LSM5: variants seen among roughly 807,000 people sequenced by gnomAD.
The protein encoded by LSM5 is U6 snRNA-associated Sm-like protein LSm5.
LSM5 carries 8 observed loss-of-function variants against 13.8 expected under a neutral mutation model. The observed-to-expected ratio is 0.58, with a 90% CI of 0.34 to 1.04. The LOEUF (loss-of-function observed/expected upper bound fraction) is 1.04. Among genes scored for constraint, LSM5 ranks in the 50% least tolerant of loss-of-function variants. LSM5 has a pLI of 0.03. For synonymous variants in LSM5, 35 were observed against 37.0 expected (o/e 0.95, Z 0.20); for missense variants, 80 against 108.1 (o/e 0.74, Z 1.15).
upstream of LSM5, among the ~76,000 whole-genome samples, chr7:32,492,855 C>T (rs1786624013): frequency 1.8e-4 from 28 of 152,170 alleles, no homozygotes; most frequent in Admixed American, 1.8e-3. Flanking sequence ...CATGTAACTA[C>T]CAAAGGCTCT....
At chr7:32,493,571 A>C (rs992336087), upstream of LSM5, among the ~76,000 whole-genome samples, 1 of 151,586 alleles carries the variant, frequency 6.6e-6, no homozygotes, top group African/African-American at 2.4e-5. Context: ...ATGGAGTCTC[A>C]TTCTGTCATC....
chr7:32,494,609 A>T (rs1786691123), upstream of LSM5, among the ~76,000 whole-genome samples: 1 of 152,244 alleles, frequency 6.6e-6, no homozygotes, highest in Non-Finnish European at 1.5e-5. Flanking sequence ...GTCCTAGATA[A>T]GACTTGTTAA....
chr7:32,492,027 A>G (rs1363840199), upstream of LSM5, among the ~76,000 whole-genome samples: 1 of 152,196 alleles, frequency 6.6e-6, no homozygotes, highest in African/African-American at 2.4e-5. Context: ...TCTTCATAAG[A>G]TTTTAAATAC....
In LSM5 at chr7:32,487,723, A is replaced by G; in HGVS notation, c.205T>C (p.Leu69=). 6.6e-7 allele frequency: 1 copy of G among 1,513,786 alleles called. No homozygotes were observed. The highest frequency in any genetic ancestry group is 1.7e-4 in the Middle Eastern group (1 of 5,870). The allele number at this position is 1,513,786 out of a possible 1,614,324, so 93.8% of individuals were successfully genotyped here. ...ITPEGRRITK[L]DQILLNGNNI... ...TTTCCATTTAGCAAAATCTGATCTAATTTAGTAATCCTTCTTCCTTCTGGT... is the reference window on the plus strand; with the variant it reads ...TTTCCATTTAGCAAAATCTGATCTAGTTTAGTAATCCTTCTTCCTTCTGGT... Residue 69 remains leucine, a synonymous_variant, in exon 4 of 5, where the codon TTA becomes CTA. Transcript: ENST00000450169.
At chr7:32,488,127 C>G (rs3793245) in intron 3 of LSM5, 46,059 of 233,328 alleles carry the variant, frequency 0.2, 5,023 homozygotes, top group Admixed American at 0.33. Context: ...TCACTGCAGC[C>G]TAGAACTCCT....
At chr7:32,490,079 A>G in intron 1 of LSM5, 1 of 1,492,888 alleles carries the variant, frequency 6.7e-7, no homozygotes, top group Non-Finnish European at 9.0e-7. Context: ...CGCGTTCACT[A>G]AATGTGGACC....
upstream of LSM5, among the ~76,000 whole-genome samples, chr7:32,493,907 G>A (rs1005873634): frequency 6.9e-6 from 1 of 145,626 alleles, no homozygotes; most frequent in Non-Finnish European, 1.5e-5. Flanking sequence ...GCTGAAGTGC[G>A]ATGGTGCAAT....
chr7:32,492,615 G>A (rs1278580718), upstream of LSM5, among the ~76,000 whole-genome samples: 1 of 152,032 alleles, frequency 6.6e-6, no homozygotes, highest in Non-Finnish European at 1.5e-5. Context: ...TCTGAAAAAA[G>A]GAACGATATA....
chr7:32,490,283 A>G (rs1314721552), intron 1 of LSM5, 37 bp downstream of exon 1: 3 of 1,614,124 alleles, frequency 1.9e-6, no homozygotes, highest in Admixed American at 1.7e-5. Flanking sequence ...CCTGAATGTC[A>G]GCTCCCTGTT....
chr7:32,486,577 A>G lies in LSM5; in HGVS notation c.*684T>C, dbSNP rs1331738583. On this transcript the variant is annotated 3_prime_UTR_variant, in exon 5 of 5. Coordinates refer to ENST00000450169, the MANE Select transcript of LSM5 (RefSeq NM_012322.3). ...CCTGGAGTTCTTAGCTGCTTTTAGT[A>G]TCCTTTATCTTAAAGCTCTGTCTCC... 2 of 152,318 alleles carry G rather than the reference A, an allele frequency of 1.3e-5. No individual in the cohort carries two copies. Among genetic ancestry groups the G allele is most frequent in the African/African-American group, 4.8e-5 (2 of 41,440 alleles). The allele number at this position is 152,318 out of a possible 1,614,324, so 9.4% of individuals were successfully genotyped here.
At chr7:32,492,709 G>T (rs892173982), upstream of LSM5, among the ~76,000 whole-genome samples, 2 of 152,194 alleles carry the variant, frequency 1.3e-5, no homozygotes, top group Non-Finnish European at 2.9e-5. Context: ...GACACAAAAA[G>T]GAAGAACAGG....
chr7:32,493,112 G>A (rs1250106927), upstream of LSM5, among the ~76,000 whole-genome samples: 1 of 152,112 alleles, frequency 6.6e-6, no homozygotes, highest in African/African-American at 2.4e-5. Context: ...AGGCCAGCCT[G>A]GGCAACATAG....
At chr7:32,491,815 G>A (rs1436276092), upstream of LSM5, among the ~76,000 whole-genome samples, 2 of 152,206 alleles carry the variant, frequency 1.3e-5, no homozygotes, top group Non-Finnish European at 2.9e-5. Context: ...CTGGCTCAGA[G>A]TGAAGCTACA....
chr7:32,489,105 A>G, intron 2 of LSM5, 144 bp downstream of exon 2: 1 of 585,620 alleles, frequency 1.7e-6, no homozygotes, highest in South Asian at 2.3e-5. Context: ...CCGTCTTTCA[A>G]TACATACCTC....
upstream of LSM5, chr7:32,490,524 A>T (rs1015865754): frequency 2.7e-5 from 17 of 634,610 alleles, no homozygotes; most frequent in Non-Finnish European, 4.9e-5. Flanking sequence ...TTCCCCGGCA[A>T]GTGAGATCCG....
chr7:32,485,612 A>G lies in LSM5; in HGVS notation c.*1649T>C, dbSNP rs1036382338. On this transcript the variant is annotated 3_prime_UTR_variant, in exon 5 of 5. Transcript: ENST00000450169. ...AAGTCATTTACAAAATACAAATGAG[A>G]TCAAAATTAATCAAGAAAATTTTAG... 6.6e-6 allele frequency: 1 copy of G among 152,216 alleles called. No individual in the cohort carries two copies. Among genetic ancestry groups the G allele is most frequent in the Non-Finnish European group, 1.5e-5 (1 of 68,044 alleles). The allele number at this position is 152,216 out of a possible 1,614,324, so 9.4% of individuals were successfully genotyped here. A position where few individuals can be genotyped will look rare whatever the true frequency, so the allele number is the denominator to read the frequency against.
At chr7:32,491,982 A>G (rs1261143511), upstream of LSM5, among the ~76,000 whole-genome samples, 1 of 152,196 alleles carries the variant, frequency 6.6e-6, no homozygotes, top group Non-Finnish European at 1.5e-5. Context: ...ATTGATTCTC[A>G]CTATTTCATT....
intron 3 of LSM5, 70 bp from the exon 4 acceptor site, chr7:32,487,827 C>A: frequency 1.2e-6 from 1 of 803,728 alleles, no homozygotes; most frequent in Non-Finnish European, 2.2e-6. Context: ...GAAATACTTA[C>A]CCTCCCTAAA....
intron 3 of LSM5, 142 bp downstream of exon 3, chr7:32,488,483 T>C: frequency 1.6e-6 from 1 of 639,034 alleles, no homozygotes; most frequent in Non-Finnish European, 2.8e-6. Context: ...CTGATCCAAT[T>C]TTACAAGCAA....
Sources: allele counts gnomAD v4.1 joint callset (sites outside exome capture counted in the v4.1 genomes callset), GRCh38; gene constraint gnomAD v4.1.1; transcripts MANE v1.5; gene names NCBI Gene and HGNC (gene_info 2026-07-23, HGNC 2026-07-21).